KIF3C: variants seen among roughly 807,000 people sequenced by gnomAD.
KIF3C encodes the protein kinesin family member 3C, also known as kinesin-like protein KIF3C.
Under a neutral mutation model 67.7 loss-of-function variants are expected in KIF3C, and 12 were observed. That is an observed-to-expected ratio of 0.18 (90% CI 0.11 to 0.29). KIF3C has a LOEUF of 0.29. KIF3C is among the 10% of genes least tolerant of loss of function. The pLI is 1.00. For missense variants in KIF3C, 789 were observed against 1,059.6 expected (o/e 0.74, Z 3.55); for synonymous variants, 393 against 426.2 (o/e 0.92, Z 0.96).
intron 4 of KIF3C, among the ~76,000 whole-genome samples, chr2:25,953,400 G>T (rs1378593179): frequency 6.0e-5 from 9 of 149,688 alleles, no homozygotes; most frequent in Non-Finnish European, 7.4e-5. Context: ...TTGCTCTGTC[G>T]CCCAGGCTGG....
chr2:25,958,633 C>A lies in KIF3C; in HGVS notation c.1546-2189G>T, dbSNP rs1663870113. Among the ~76,000 whole-genome samples, 5 of 152,160 alleles carry A rather than the reference C, an allele frequency of 3.3e-5. No individual in the cohort carries two copies. The South Asian group carries it at 8.3e-4, about 25-fold the overall frequency. On this transcript the variant is annotated intron_variant, in intron 1 of 7. Coordinates refer to ENST00000264712, the MANE Select transcript of KIF3C (RefSeq NM_002254.8). This position sits in a 1 kb window ranked among gnomAD's most constrained non-coding sequence, Gnocchi z 4.5. ...ACTCTGAATGCTTGCTCCTTGGCTT[C>A]AAACTACTGAATGGACCTCCATTCC... is the stretch of plus-strand genomic sequence containing the variant.
intron 5 of KIF3C, among the ~76,000 whole-genome samples, chr2:25,941,736 T>C (rs1663287357): frequency 6.6e-6 from 1 of 151,710 alleles, no homozygotes; most frequent in South Asian, 2.1e-4. Context: ...CTAAAATAAA[T>C]AAAAAATTAG....
intron 3 of KIF3C, among the ~76,000 whole-genome samples, chr2:25,954,698 G>C (rs978648958): frequency 6.6e-6 from 1 of 152,190 alleles, no homozygotes; most frequent in African/African-American, 2.4e-5. Context: ...TCCTTTCATA[G>C]ATGAGGAAGC....
rs70950146 is a variant in KIF3C at position 25,971,871 on chromosome 2, C to CTTTTTTTTTTTTTTTTTTT, written c.1545+8483_1545+8501dup. Among the ~76,000 whole-genome samples, 22 of 53,812 alleles carry CTTTTTTTTTTTTTTTTTTT rather than the reference C, an allele frequency of 4.1e-4. 3 individuals carry two copies. The highest frequency in any genetic ancestry group is 7.1e-4 in the South Asian group (1 of 1,404). 35.3% of individuals were successfully genotyped at this position (53,812 alleles called of 152,430 possible). A position where few individuals can be genotyped will look rare whatever the true frequency, so the allele number is the denominator to read the frequency against. ...TACAGGCATGCAGTACCATGCCTAG[C>CTTTTTTTTTTTTTTTTTTT]TTTTTTTTTTTTTTTTTTTTTTTTT... On this transcript the variant is annotated intron_variant, in intron 1 of 7. Transcript: ENST00000264712.
chr2:25,960,747 A>G (rs987714296), intron 1 of KIF3C, among the ~76,000 whole-genome samples: 10 of 152,132 alleles, frequency 6.6e-5, no homozygotes, highest in Admixed American at 1.3e-4. Context: ...GACCAGCCCA[A>G]GTAACATGGC....
intron 5 of KIF3C, among the ~76,000 whole-genome samples, chr2:25,946,581 A>G (rs1663442839): frequency 6.6e-6 from 1 of 152,108 alleles, no homozygotes; most frequent in African/African-American, 2.4e-5. Context: ...CCGGTTACTC[A>G]GGAGGCTGAG....
intron 3 of KIF3C, among the ~76,000 whole-genome samples, chr2:25,954,915 G>A (rs1238847214): frequency 1.3e-5 from 2 of 152,136 alleles, no homozygotes; most frequent in African/African-American, 4.8e-5. Context: ...AGCCACTGAG[G>A]GCTGGGTCCG....
At chr2:25,968,089 T>C (rs1664190265) in intron 1 of KIF3C, among the ~76,000 whole-genome samples, 1 of 152,156 alleles carries the variant, frequency 6.6e-6, no homozygotes. Flanking sequence ...AGCGCCCTGA[T>C]TGTACATCTT....
intron 3 of KIF3C, 63 bp from the exon 4 acceptor site, chr2:25,954,448 G>T: frequency 7.9e-7 from 1 of 1,260,996 alleles, no homozygotes; most frequent in Non-Finnish European, 1.1e-6. Context: ...CAGTCACCCA[G>T]CCTGGGCCGC....
At chr2:25,966,938 C>T (rs923238018) in intron 1 of KIF3C, among the ~76,000 whole-genome samples, 5 of 152,170 alleles carry the variant, frequency 3.3e-5, no homozygotes, top group South Asian at 2.1e-4. Context: ...CCCAGACAGG[C>T]GAAGTGATTT....
intron 5 of KIF3C, among the ~76,000 whole-genome samples, chr2:25,938,839 C>T (rs1008731067): frequency 1.3e-5 from 2 of 152,114 alleles, no homozygotes; most frequent in African/African-American, 2.4e-5. Context: ...GTACATCTGA[C>T]GCGTTCTCCT....
intron 5 of KIF3C, among the ~76,000 whole-genome samples, chr2:25,941,754 T>C (rs894121559): frequency 1.3e-5 from 2 of 151,964 alleles, no homozygotes; most frequent in South Asian, 2.1e-4. Flanking sequence ...TAGTCAGGCA[T>C]GGTGGCACAA....
At chr2:25,939,580 G>A (rs1267505576) in intron 5 of KIF3C, among the ~76,000 whole-genome samples, 1 of 152,186 alleles carries the variant, frequency 6.6e-6, no homozygotes, top group Admixed American at 6.5e-5. Flanking sequence ...TTACTGGGGT[G>A]AACTTTGCCT....
chr2:25,933,117 A>G (rs920850015), intron 5 of KIF3C, among the ~76,000 whole-genome samples: 4 of 151,094 alleles, frequency 2.6e-5, no homozygotes, highest in African/African-American at 9.7e-5. Flanking sequence ...CAGGCGTGGC[A>G]GCATGTATCT....
chr2:25,951,798 G>A lies in KIF3C; in HGVS notation c.1997C>T (p.Pro666Leu), dbSNP rs1386722575. 3 of 1,611,974 alleles carry A rather than the reference G, an allele frequency of 1.9e-6. No homozygotes were observed. The highest frequency in any genetic ancestry group is 1.7e-6 in the Non-Finnish European group (2 of 1,178,350). The change falls in exon 5 of 8, where the codon CCA becomes CTA. Residue 666 changes from proline (P) to leucine (L), a missense_variant. Pro to Leu is a moderately conservative substitution (Grantham distance 98). Transcript: ENST00000264712. ...EEQWKFQPLV[P>L]AGVSSSQMKK... is the part of the protein sequence containing the mutation. ...TGGGTTAGAGACTCACACGCCGGCT[G>A]GCACCAGTGGCTGGAACTTCCACTG...
intron 5 of KIF3C, among the ~76,000 whole-genome samples, chr2:25,940,318 C>T (rs1486264249): frequency 6.6e-6 from 1 of 152,044 alleles, no homozygotes; most frequent in African/African-American, 2.4e-5. Context: ...CGCCTGTAAT[C>T]CTAGCAGTTT....
intron 5 of KIF3C, among the ~76,000 whole-genome samples, chr2:25,948,668 A>C: frequency 6.7e-6 from 1 of 149,292 alleles, no homozygotes; most frequent in East Asian, 2.0e-4. Flanking sequence ...GAAAGAGAGA[A>C]AGAGAGAGAG....
At position 25,981,261 on chromosome 2, in the gene KIF3C, G is replaced by A. The variant is rs1664587314; in HGVS notation, c.657C>T (p.Ile219=). ...CGCTGCACTCCACAGTGATGATGAA[G>A]ATGGCATGGGAGCGGGAGCTGACCT... ...MNEVSSRSHA[I]FIITVECSER... The change falls in exon 1 of 8, where the codon ATC becomes ATT. Residue 219 remains isoleucine, a synonymous_variant. Transcript: ENST00000264712. This position sits in a 1 kb window ranked among gnomAD's most constrained non-coding sequence, Gnocchi z 8.2. 3.1e-6 allele frequency: 5 copies of A among 1,614,226 alleles called. No homozygotes were observed. Among genetic ancestry groups the A allele is most frequent in the Middle Eastern group, 1.6e-4 (1 of 6,062 alleles).
At chr2:25,977,123 T>C (rs936849583) in intron 1 of KIF3C, among the ~76,000 whole-genome samples, 5 of 151,740 alleles carry the variant, frequency 3.3e-5, no homozygotes, top group Non-Finnish European at 7.4e-5. Flanking sequence ...TCTCACACAT[T>C]TGCACACCCG....
Sources: allele counts gnomAD v4.1 joint callset (sites outside exome capture counted in the v4.1 genomes callset), GRCh38; gene constraint gnomAD v4.1.1; non-coding constraint Gnocchi (gnomAD v3.1); transcripts MANE v1.5; gene names NCBI Gene and HGNC (gene_info 2026-07-23, HGNC 2026-07-21).